SEMA6D: variants seen among roughly 807,000 people sequenced by gnomAD.
SEMA6D encodes semaphorin 6D, also known as semaphorin-6D.
Under a neutral mutation model 106.6 loss-of-function variants are expected in SEMA6D, and 35 were observed. That is an observed-to-expected ratio of 0.33 (90% CI 0.25 to 0.44). The LOEUF is 0.44. Among genes scored for constraint, SEMA6D ranks in the 20% least tolerant of loss-of-function variants. The probability of loss-of-function intolerance (pLI) is 1.00; values close to 1 mark genes in which losing one functional copy is unlikely to be tolerated. For synonymous variants in SEMA6D, 499 were observed against 487.7 expected (o/e 1.02, Z -0.31); for missense variants, 1,185 against 1,345.9 (o/e 0.88, Z 1.87).
intron 3 of SEMA6D, among the ~76,000 whole-genome samples, chr15:47,471,162 A>G (rs1218504604): frequency 2.0e-5 from 3 of 152,120 alleles, no homozygotes; most frequent in African/African-American, 7.2e-5. Flanking sequence ...AGGGCAGTCG[A>G]CAATTCTACG....
chr15:47,360,285 C>T (rs186332443), intron 1 of SEMA6D, among the ~76,000 whole-genome samples: 1 of 152,252 alleles, frequency 6.6e-6, no homozygotes, highest in East Asian at 1.9e-4. Flanking sequence ...TCTTCAGTTC[C>T]CCCCCAGTGA....
In SEMA6D at chr15:47,583,560, C is replaced by A. The variant is rs2076288273; in HGVS notation, c.-86-17305C>A. Among the ~76,000 whole-genome samples the A allele has an allele frequency of 2.6e-5, 4 of 152,164 alleles. No individual in the cohort carries two copies. In the South Asian group the frequency reaches 8.3e-4, roughly 31 times the overall value. ...CCACGTATTTTATCAGGATTGCGTC[C>A]TTTGTGCCTAGACATGGCCCTCTTT... On this transcript the variant is annotated intron_variant, in intron 3 of 19. Coordinates refer to the SEMA6D transcript ENST00000558014.
intron 3 of SEMA6D, among the ~76,000 whole-genome samples, chr15:47,560,211 C>CAA (rs145556955): frequency 6.7e-6 from 1 of 149,426 alleles, no homozygotes; most frequent in African/African-American, 2.4e-5. Flanking sequence ...TATTCAGAGA[C>CAA]AAAAAAAAAT....
chr15:47,202,028 A>G (rs982051160), intron 1 of SEMA6D, among the ~76,000 whole-genome samples: 2 of 151,978 alleles, frequency 1.3e-5, no homozygotes, highest in African/African-American at 4.8e-5. Flanking sequence ...TGTTTGGGAA[A>G]TTGCTTGGCC....
intron 3 of SEMA6D, among the ~76,000 whole-genome samples, chr15:47,506,591 CACACACAA>C (rs2044045090): frequency 2.9e-5 from 4 of 137,056 alleles, no homozygotes; most frequent in African/African-American, 5.7e-5. Context: ...GGCATTTACA[CACACACAA>C]ACACACACAC....
chr15:47,217,638 A>G (rs1229541282), intron 1 of SEMA6D, among the ~76,000 whole-genome samples: 2 of 151,016 alleles, frequency 1.3e-5, no homozygotes, highest in Non-Finnish European at 3.0e-5. Context: ...GTATTTTACT[A>G]AAAAATACAG....
chr15:47,685,008 G>A (rs1420212553), intron 4 of SEMA6D, among the ~76,000 whole-genome samples: 6 of 152,190 alleles, frequency 3.9e-5, no homozygotes, highest in African/African-American at 1.4e-4. Flanking sequence ...GGAAGGAAGA[G>A]AAGGAAGAGG....
At chr15:47,239,068 A>G (rs2032740286) in intron 1 of SEMA6D, among the ~76,000 whole-genome samples, 1 of 152,184 alleles carries the variant, frequency 6.6e-6, no homozygotes. Flanking sequence ...CTGTATTTAT[A>G]GCCACTCCCC....
intron 1 of SEMA6D, among the ~76,000 whole-genome samples, chr15:47,383,136 C>T (rs2039702156): frequency 6.6e-6 from 1 of 152,170 alleles, no homozygotes; most frequent in South Asian, 2.1e-4. Flanking sequence ...ATATCTCAGC[C>T]ATCTGGCACT....
chr15:47,575,426 A>T (rs563240658), intron 3 of SEMA6D, among the ~76,000 whole-genome samples: 1 of 152,108 alleles, frequency 6.6e-6, no homozygotes, highest in Non-Finnish European at 1.5e-5. Context: ...AGCAGCTTGA[A>T]TGGGGGCTGG....
rs200676052 is a variant in SEMA6D at position 47,766,051 on chromosome 15, C to T, written c.1568+42C>T. On this transcript the variant is annotated intron_variant, in intron 14 of 18. Transcript: ENST00000536845. ...TTACTTACCCTGGGTCTTGCAGTAT[C>T]GAAACCTTTGTTGATGAGAAAATCC... is the stretch of plus-strand genomic sequence containing the variant. 47 of 1,612,288 alleles carry T rather than the reference C, an allele frequency of 2.9e-5. No individual in the cohort carries two copies. In the East Asian group the frequency reaches 6.5e-4, roughly 22 times the overall value.
At chr15:47,693,494 A>G (rs957086940) in intron 4 of SEMA6D, among the ~76,000 whole-genome samples, 1 of 152,154 alleles carries the variant, frequency 6.6e-6, no homozygotes, top group Non-Finnish European at 1.5e-5. Flanking sequence ...GGGATCACCT[A>G]TCACCCTCCA....
intron 1 of SEMA6D, among the ~76,000 whole-genome samples, chr15:47,321,609 A>G (rs1485392971): frequency 1.3e-5 from 2 of 152,202 alleles, no homozygotes; most frequent in Admixed American, 6.5e-5. Context: ...TACAGATAAT[A>G]TACATTTGAA....
chr15:47,280,283 C>A (rs2035051418), intron 1 of SEMA6D, among the ~76,000 whole-genome samples: 1 of 151,896 alleles, frequency 6.6e-6, no homozygotes, highest in African/African-American at 2.4e-5. Flanking sequence ...GGAATTTATC[C>A]ATTTCTTCTA....
intron 3 of SEMA6D, among the ~76,000 whole-genome samples, chr15:47,499,841 G>A (rs1446305483): frequency 2.0e-5 from 3 of 151,990 alleles, no homozygotes; most frequent in East Asian, 1.9e-4. Context: ...ACAGATGGTG[G>A]TGTGACTGAT....
At chr15:47,644,699 C>G (rs573094059) in intron 4 of SEMA6D, among the ~76,000 whole-genome samples, 4 of 152,188 alleles carry the variant, frequency 2.6e-5, no homozygotes, top group Non-Finnish European at 5.9e-5. Flanking sequence ...TCTCAGACTT[C>G]CCCTCCAGAA....
chr15:47,297,272 A>G (rs1244618566), intron 1 of SEMA6D, among the ~76,000 whole-genome samples: 2 of 152,220 alleles, frequency 1.3e-5, no homozygotes, highest in African/African-American at 2.4e-5. Flanking sequence ...GCTTTATAAA[A>G]CAGATGTTTC....
intron 1 of SEMA6D, among the ~76,000 whole-genome samples, chr15:47,383,716 T>A (rs2145671702): frequency 6.6e-6 from 1 of 152,358 alleles, no homozygotes. Context: ...GCTTTGAGGT[T>A]AGCTAATGCC....
At chr15:47,721,526 A>C (rs1475858558) in intron 1 of SEMA6D, among the ~76,000 whole-genome samples, 1 of 152,240 alleles carries the variant, frequency 6.6e-6, no homozygotes, top group Non-Finnish European at 1.5e-5. Flanking sequence ...CGGAGAGAAT[A>C]AAAATCACAT....
Sources: allele counts gnomAD v4.1 joint callset (sites outside exome capture counted in the v4.1 genomes callset), GRCh38; gene constraint gnomAD v4.1.1; transcripts MANE v1.5; gene names NCBI Gene and HGNC (gene_info 2026-07-23, HGNC 2026-07-21).